MPHOSPH8: variants seen among roughly 807,000 people sequenced by gnomAD.
MPHOSPH8 encodes M-phase phosphoprotein 8, also known as M-phase phosphoprotein, mpp.
Under a neutral mutation model 87.3 loss-of-function variants are expected in MPHOSPH8, and 45 were observed. The ratio of observed to expected loss-of-function variants is 0.52; its 90% CI spans 0.41 to 0.66. MPHOSPH8 has a LOEUF of 0.66. Among genes scored for constraint, MPHOSPH8 ranks in the 30% least tolerant of loss-of-function variants. MPHOSPH8 has a pLI of 0.00. For missense variants in MPHOSPH8, 883 were observed against 1,020.2 expected, an observed-to-expected ratio of 0.87 and a Z score of 1.83; for synonymous variants, 366 against 376.9, an observed-to-expected ratio of 0.97 and a Z score of 0.33.
In MPHOSPH8 at chr13:19,656,997, C is replaced by T. The variant is rs547673680; in HGVS notation, c.1577-1998C>T. Among the ~76,000 whole-genome samples the T allele has an allele frequency of 8.6e-5, 13 of 150,342 alleles. No individual in the cohort carries two copies. In the South Asian group the frequency reaches 2.7e-3, roughly 32 times the overall value. ...ATTAGCCAGTTGTGGTGGCATACGC[C>T]TGTGGTCCCAGCTACTCAGGAGGCT... is the stretch of plus-strand genomic sequence containing the variant. On this transcript the variant is annotated intron_variant, in intron 5 of 13. Transcript: ENST00000361479.
At chr13:19,637,685 A>T (rs892925466) in intron 1 of MPHOSPH8, among the ~76,000 whole-genome samples, 9 of 152,110 alleles carry the variant, frequency 5.9e-5, no homozygotes, top group Non-Finnish European at 1.5e-5. Flanking sequence ...CATACTATTG[A>T]CTAAGATTTC....
chr13:19,648,464 A>T lies in MPHOSPH8; in HGVS notation c.1261A>T (p.Lys421Ter). ...KRNESKEKYQ[K>*]RHDSDKEEKG... is the part of the protein sequence containing the mutation. ...AAATGAATCCAAAGAAAAATATCAG[A>T]AAAGGCATGATTCTGACAAGGAAGA... Residue 421 changes from lysine (K) to a stop codon, truncating the protein, a stop_gained, in exon 4 of 14, where the codon AAA (lysine) becomes TAA (stop). Transcript: ENST00000361479. LOFTEE classifies it high-confidence loss of function. The T allele has an allele frequency of 6.3e-7, 1 of 1,588,934 alleles. No homozygotes were observed. Among genetic ancestry groups the T allele is most frequent in the Middle Eastern group, 1.7e-4 (1 of 5,956 alleles).
intron 5 of MPHOSPH8, among the ~76,000 whole-genome samples, chr13:19,651,833 C>T (rs1220135821): frequency 6.6e-6 from 1 of 152,074 alleles, no homozygotes; most frequent in Non-Finnish European, 1.5e-5. Context: ...GGCACGGCGG[C>T]TCACACCTGT....
Position 19,659,051 on chromosome 13 carries a change from T to C in MPHOSPH8, c.1633T>C (p.Leu545=), listed in dbSNP as rs778010000. 36 of 1,614,032 alleles carry C rather than the reference T, an allele frequency of 2.2e-5. No individual in the cohort carries two copies. The highest frequency in any genetic ancestry group is 4.5e-5 in the East Asian group (2 of 44,888). Residue 545 remains leucine (L), a synonymous_variant, in exon 6 of 14, where the codon TTG becomes CTG. Coordinates refer to ENST00000361479, the MANE Select transcript of MPHOSPH8 (RefSeq NM_017520.4). Reference sequence around the variant, plus strand: ...GGACCTGCAGTTGGAATGGATGAAGTTGGAAGATTTCCAAAAGCACCTTGA... The same window carrying C: ...GGACCTGCAGTTGGAATGGATGAAGCTGGAAGATTTCCAAAAGCACCTTGA... ...GMDLQLEWMK[L]EDFQKHLDGK...
At position 19,650,182 on chromosome 13, in the gene MPHOSPH8, A is replaced by ACGGATACTTGGGCATACATTG; in HGVS notation, c.1500_1520dup (p.Asp501_Ala507dup). 6.2e-7 allele frequency: 1 copy of ACGGATACTTGGGCATACATTG among 1,614,188 alleles called. No homozygotes were observed. Among genetic ancestry groups the ACGGATACTTGGGCATACATTG allele is most frequent in the Non-Finnish European group, 8.5e-7 (1 of 1,180,022 alleles). Reference sequence around the variant, plus strand: ...AGAAAGGAGAAACACCAGAGACGAAACGGATACTTGGGCATACATTGCTGC... The same window carrying ACGGATACTTGGGCATACATTG: ...AGAAAGGAGAAACACCAGAGACGAAACGGATACTTGGGCATACATTGCGGATACTTGGGCATACATTGCTGC... On this transcript the variant is annotated inframe_insertion, in exon 5 of 14. Coordinates refer to ENST00000361479, the MANE Select transcript of MPHOSPH8 (RefSeq NM_017520.4).
At chr13:19,658,363 G>A (rs915802869) in intron 5 of MPHOSPH8, among the ~76,000 whole-genome samples, 3 of 149,868 alleles carry the variant, frequency 2.0e-5, no homozygotes, top group Admixed American at 6.6e-5. Flanking sequence ...CAAATGACCT[G>A]CACTGAAGTC....
chr13:19,664,032 G>A (rs1875690177), intron 9 of MPHOSPH8, among the ~76,000 whole-genome samples: 1 of 152,148 alleles, frequency 6.6e-6, no homozygotes, highest in Non-Finnish European at 1.5e-5. Flanking sequence ...CGCCCGGGCT[G>A]GAGTGCAGTG....
intron 1 of MPHOSPH8, among the ~76,000 whole-genome samples, chr13:19,641,533 C>G (rs1438402439): frequency 1.6e-5 from 2 of 126,326 alleles, no homozygotes; most frequent in Non-Finnish European, 3.2e-5. Flanking sequence ...TCTTGTTGCT[C>G]AAGCTGGAGT....
At chr13:19,637,374 C>A (rs761924795) in intron 1 of MPHOSPH8, among the ~76,000 whole-genome samples, 2 of 152,154 alleles carry the variant, frequency 1.3e-5, no homozygotes, top group Non-Finnish European at 2.9e-5. Context: ...TATACCTTCA[C>A]CCAGATTCTC....
chr13:19,645,107 G>A (rs1188779161), intron 2 of MPHOSPH8, among the ~76,000 whole-genome samples: 1 of 152,026 alleles, frequency 6.6e-6, no homozygotes, highest in Non-Finnish European at 1.5e-5. Flanking sequence ...CCTTTTGCAG[G>A]GCCTGGGAGG....
At chr13:19,665,644 G>A (rs1399169334) in intron 9 of MPHOSPH8, among the ~76,000 whole-genome samples, 3 of 152,158 alleles carry the variant, frequency 2.0e-5, no homozygotes, top group Non-Finnish European at 4.4e-5. Context: ...GTAGTGTGGC[G>A]GCTCCTCCTA....
intron 1 of MPHOSPH8, among the ~76,000 whole-genome samples, chr13:19,640,007 G>A (rs1393287747): frequency 1.3e-5 from 2 of 152,082 alleles, no homozygotes; most frequent in Non-Finnish European, 2.9e-5. Context: ...TTGGGAGGCT[G>A]AGCGATGAGA....
At chr13:19,663,277 AGC>A in intron 9 of MPHOSPH8, 151 bp downstream of exon 9, 1 of 706,130 alleles carries the variant, frequency 1.4e-6, no homozygotes, top group Non-Finnish European at 2.5e-6. Context: ...GAGAAGGAGA[AGC>A]GGGCTGGCAG....
At chr13:19,647,639 G>C (rs544225736) in intron 3 of MPHOSPH8, among the ~76,000 whole-genome samples, 2 of 152,228 alleles carry the variant, frequency 1.3e-5, no homozygotes, top group South Asian at 4.1e-4. Context: ...GTTGTCTTGA[G>C]TATACCACTA....
intron 3 of MPHOSPH8, 49 bp from the exon 4 acceptor site, chr13:19,648,373 A>G: frequency 8.3e-7 from 1 of 1,203,802 alleles, no homozygotes; most frequent in Non-Finnish European, 1.2e-6. Flanking sequence ...ATAAATTTAC[A>G]GTGTCAACTC....
At chr13:19,649,937 T>G in intron 4 of MPHOSPH8, 66 bp from the exon 5 acceptor site, 3 of 1,303,852 alleles carry the variant, frequency 2.3e-6, no homozygotes, top group Non-Finnish European at 3.2e-6. Context: ...CTAAGTTAGA[T>G]TTTCTTTTGA....
Position 19,659,213 on chromosome 13 carries a change from A to C in MPHOSPH8, c.1715A>C (p.Asp572Ala), listed in dbSNP as rs148589549. Reference sequence around the variant, plus strand: ...TCTTTCATTTTAGATGTGTTAAGGGATGCTGTGAAAAATGGGGATTATATT... The same window carrying C: ...TCTTTCATTTTAGATGTGTTAAGGGCTGCTGTGAAAAATGGGGATTATATT... The part of the protein sequence containing the change: ...TDAIPSNVLR[D>A]AVKNGDYITV... Residue 572 changes from aspartate (D) to alanine (A), a missense_variant, in exon 7 of 14, where the codon GAT becomes GCT. This residue lies in a region of MPHOSPH8 where 741 missense variants were observed against 841.5 expected (regional missense o/e 0.88). Coordinates refer to ENST00000361479, the MANE Select transcript of MPHOSPH8 (RefSeq NM_017520.4). 1.2e-6 allele frequency: 2 copies of C among 1,612,992 alleles called. No homozygotes were observed. Among genetic ancestry groups the C allele is most frequent in the African/African-American group, 2.7e-5 (2 of 74,964 alleles).
chr13:19,651,093 G>A (rs1354798405), intron 5 of MPHOSPH8, among the ~76,000 whole-genome samples: 1 of 152,204 alleles, frequency 6.6e-6, no homozygotes, highest in Non-Finnish European at 1.5e-5. Context: ...AGCCAGAAGT[G>A]GATTCCTGGT....
chr13:19,662,961 G>A (rs778753172), intron 8 of MPHOSPH8, 79 bp from the exon 9 acceptor site: 94 of 1,242,876 alleles, frequency 7.6e-5, no homozygotes, highest in Admixed American at 3.1e-4. Context: ...TTTTCCTGAT[G>A]ACTAAAAATT....
Sources: gnomAD v4.1 joint callset for allele counts (sites outside exome capture counted in the v4.1 genomes callset) on GRCh38, gnomAD v4.1.1 for gene constraint, gnomAD v4.1.1 regional missense constraint, MANE v1.5 for transcripts, NCBI Gene and HGNC (gene_info 2026-07-23, HGNC 2026-07-21) for gene names.